The following GRID2 variants were observed in gnomAD, a reference collection of about 807,000 sequenced individuals.
GRID2 encodes glutamate ionotropic receptor delta type subunit 2, also known as glutamate receptor ionotropic, delta-2.
GRID2 carries 33 observed loss-of-function variants against 114.8 expected under a neutral mutation model. The ratio of observed to expected loss-of-function variants is 0.29; its 90% CI spans 0.22 to 0.38. The LOEUF is 0.38. GRID2 is among the 10% of genes least tolerant of loss of function. GRID2 has a pLI of 1.00. For missense variants in GRID2, 1,184 were observed against 1,257.7 expected (o/e 0.94, Z 0.89); for synonymous variants, 505 against 449.9 (o/e 1.12, Z -1.55).
At chr4:93,605,727 A>C (rs991821315) in intron 13 of GRID2, among the ~76,000 whole-genome samples, 4 of 152,212 alleles carry the variant, frequency 2.6e-5, no homozygotes, top group African/African-American at 9.6e-5. Flanking sequence ...TGATGATACT[A>C]GCATGAAAAG....
chr4:92,347,320 G>A (rs750605616), intron 1 of GRID2, among the ~76,000 whole-genome samples: 1 of 152,186 alleles, frequency 6.6e-6, no homozygotes, highest in Non-Finnish European at 1.5e-5. Context: ...CTATGCACAT[G>A]CAATATGTGT....
At chr4:93,520,900 C>G (rs1205116470) in intron 13 of GRID2, among the ~76,000 whole-genome samples, 3 of 152,056 alleles carry the variant, frequency 2.0e-5, no homozygotes, top group Non-Finnish European at 4.4e-5. Flanking sequence ...AAGGTCCGCT[C>G]TAGATGCTGT....
chr4:92,674,960 T>C (rs1733272344), intron 2 of GRID2, among the ~76,000 whole-genome samples: 1 of 152,208 alleles, frequency 6.6e-6, no homozygotes, highest in African/African-American at 2.4e-5. Flanking sequence ...TTTCTTATGG[T>C]CATATTTTTG....
At chr4:92,661,952 T>C (rs1186758437) in intron 2 of GRID2, among the ~76,000 whole-genome samples, 1 of 151,052 alleles carries the variant, frequency 6.6e-6, no homozygotes, top group Non-Finnish European at 1.5e-5. Context: ...ATCATATTTC[T>C]TTATATAGTA....
At chr4:93,356,163 A>C (rs1579798230) in intron 8 of GRID2, among the ~76,000 whole-genome samples, 1 of 152,210 alleles carries the variant, frequency 6.6e-6, no homozygotes, top group East Asian at 1.9e-4. Flanking sequence ...AACTCACCAC[A>C]TTTGTTGAGC....
At chr4:93,437,975 G>A (rs1018023068) in intron 10 of GRID2, among the ~76,000 whole-genome samples, 4 of 152,094 alleles carry the variant, frequency 2.6e-5, no homozygotes, top group Admixed American at 6.6e-5. Context: ...AAGAGAGAAC[G>A]AGAGAGATGG....
chr4:93,716,031 C>T (rs1205902744), intron 14 of GRID2, among the ~76,000 whole-genome samples: 4 of 152,114 alleles, frequency 2.6e-5, no homozygotes, highest in Non-Finnish European at 5.9e-5. Context: ...ATGCTTCCAG[C>T]TTTTGCCCAT....
At chr4:92,891,661 T>C (rs1746793083) in intron 2 of GRID2, among the ~76,000 whole-genome samples, 1 of 152,160 alleles carries the variant, frequency 6.6e-6, no homozygotes, top group Non-Finnish European at 1.5e-5. Flanking sequence ...AAAATTTTCC[T>C]AAAGTAGAAT....
chr4:93,552,666 G>A (rs900386375), intron 13 of GRID2, among the ~76,000 whole-genome samples: 5 of 152,020 alleles, frequency 3.3e-5, no homozygotes, highest in Non-Finnish European at 7.4e-5. Context: ...TAAGTTCTAG[G>A]GTACATGTGC....
At chr4:92,614,943 GT>G (rs201198597) in intron 2 of GRID2, among the ~76,000 whole-genome samples, 3,552 of 139,926 alleles carry the variant, frequency 0.025, 101 homozygotes, top group East Asian at 0.073. Context: ...ACTTTGCTAT[GT>G]TTTTTTTTTT....
intron 2 of GRID2, among the ~76,000 whole-genome samples, chr4:92,735,040 A>G (rs1736524968): frequency 1.3e-5 from 2 of 152,002 alleles, no homozygotes; most frequent in African/African-American, 4.8e-5. Flanking sequence ...TGGCCTCCCA[A>G]AATGCTGGGA....
intron 1 of GRID2, among the ~76,000 whole-genome samples, chr4:93,786,686 T>A (rs896448160): frequency 2.6e-5 from 4 of 152,154 alleles, no homozygotes; most frequent in Non-Finnish European, 2.9e-5. Context: ...GGTCAGAAAT[T>A]TAAGAAGAAT....
chr4:93,568,004 G>A (rs534279660), intron 13 of GRID2, among the ~76,000 whole-genome samples: 30 of 152,216 alleles, frequency 2.0e-4, no homozygotes, highest in African/African-American at 7.0e-4. Flanking sequence ...ATTTATTCAA[G>A]TAGCTTGGAG....
At chr4:92,934,290 A>C (rs1202164698) in intron 2 of GRID2, among the ~76,000 whole-genome samples, 2 of 151,654 alleles carry the variant, frequency 1.3e-5, no homozygotes, top group African/African-American at 4.8e-5. Context: ...ATTCTCTTTG[A>C]AGCAATTGGG....
In GRID2 at chr4:93,347,683, A is replaced by G. The variant is rs990794208; in HGVS notation, c.1246-47924A>G. Among the ~76,000 whole-genome samples the G allele has an allele frequency of 4.6e-5, 7 of 152,158 alleles. No homozygotes were observed. The East Asian group carries it at 1.4e-3, about 29-fold the overall frequency. ...ATATTTGCTAATGTATTACTTAGTT[A>G]ACAACCCTGTAAGGTAATTACTATT... On this transcript the variant is annotated intron_variant, in intron 8 of 15. Coordinates refer to ENST00000282020, the MANE Select transcript of GRID2 (RefSeq NM_001510.4).
chr4:92,952,150 C>G (rs1424982924), intron 2 of GRID2, among the ~76,000 whole-genome samples: 1 of 152,150 alleles, frequency 6.6e-6, no homozygotes, highest in Non-Finnish European at 1.5e-5. Flanking sequence ...CCAATGTGGA[C>G]TTAGCCCGGT....
chr4:93,786,888 G>C (rs1734604509), intron 1 of GRID2, among the ~76,000 whole-genome samples: 1 of 152,156 alleles, frequency 6.6e-6, no homozygotes, highest in Non-Finnish European at 1.5e-5. Context: ...TGTAGAGTAA[G>C]CAGTAAAATG....
chr4:92,922,166 G>A (rs114459910), intron 2 of GRID2, among the ~76,000 whole-genome samples: 26 of 152,320 alleles, frequency 1.7e-4, no homozygotes, highest in Non-Finnish European at 2.6e-4. Context: ...ATATAATCTC[G>A]TGGTGTGCCG....
chr4:92,843,799 A>T (rs2149413164), intron 2 of GRID2, among the ~76,000 whole-genome samples: 1 of 152,278 alleles, frequency 6.6e-6, no homozygotes, highest in East Asian at 1.9e-4. Flanking sequence ...TTCAACAAGT[A>T]GTTTAAGTTT....
Sources: allele counts gnomAD v4.1 joint callset (sites outside exome capture counted in the v4.1 genomes callset), GRCh38; gene constraint gnomAD v4.1.1; transcripts MANE v1.5; gene names NCBI Gene and HGNC (gene_info 2026-07-23, HGNC 2026-07-21).